The following MDGA2 variants were observed in gnomAD, a reference collection of about 807,000 sequenced individuals.
MDGA2 encodes the protein MAM domain containing glycosylphosphatidylinositol anchor 2, also known as MAM domain-containing glycosylphosphatidylinositol anchor protein 2.
A neutral mutation model predicts 117.8 loss-of-function variants in MDGA2; 40 were observed. That is an observed-to-expected ratio of 0.34 (90% CI 0.26 to 0.44). The LOEUF is 0.44. Among genes scored for constraint, MDGA2 ranks in the 20% least tolerant of loss-of-function variants. The probability of loss-of-function intolerance (pLI) is 1.00; values close to 1 mark genes in which losing one functional copy is unlikely to be tolerated. For synonymous variants in MDGA2, 452 were observed against 439.0 expected, an observed-to-expected ratio of 1.03 and a Z score of -0.37; for missense variants, 1,123 against 1,250.6, an observed-to-expected ratio of 0.90 and a Z score of 1.54.
rs576568143 is a variant in MDGA2 at position 47,594,748 on chromosome 14, C to T, written c.280+79769G>A. ...AGTTCCCACTGCGAGGTGCCATGCA[C>T]CCTTTCATTTTTAAACCAATATGTA... On this transcript the variant is annotated intron_variant, in intron 1 of 16. Transcript: ENST00000399232. Among the ~76,000 whole-genome samples, 49 of 152,308 alleles carry T rather than the reference C, an allele frequency of 3.2e-4. No homozygotes were observed. In the South Asian group the frequency reaches 9.9e-3, roughly 31 times the overall value.
At chr14:47,407,850 AC>A (rs1037271778) in intron 1 of MDGA2, among the ~76,000 whole-genome samples, 2 of 152,152 alleles carry the variant, frequency 1.3e-5, no homozygotes, top group African/African-American at 4.8e-5. Context: ...GTTAAACAAA[AC>A]AGGTGCAGAT....
intron 2 of MDGA2, among the ~76,000 whole-genome samples, chr14:47,273,952 G>C (rs1160378586): frequency 6.6e-6 from 1 of 152,070 alleles, no homozygotes; most frequent in African/African-American, 2.4e-5. Flanking sequence ...ATAAGCACAA[G>C]CAACCAAAAG....
At chr14:46,948,084 C>T (rs527505185) in intron 9 of MDGA2, among the ~76,000 whole-genome samples, 1 of 152,106 alleles carries the variant, frequency 6.6e-6, no homozygotes, top group African/African-American at 2.4e-5. Context: ...TCAACTGTTA[C>T]ATTTTTATAC....
chr14:47,382,007 A>G (rs1319811248), intron 1 of MDGA2, among the ~76,000 whole-genome samples: 1 of 152,204 alleles, frequency 6.6e-6, no homozygotes, highest in African/African-American at 2.4e-5. Flanking sequence ...AAACAGAGAT[A>G]AAGACCAATG....
At chr14:47,540,045 C>G (rs1458349136) in intron 1 of MDGA2, among the ~76,000 whole-genome samples, 3 of 152,064 alleles carry the variant, frequency 2.0e-5, no homozygotes, top group African/African-American at 7.2e-5. Flanking sequence ...GACGGAGTCT[C>G]GCTGCCGCCC....
At chr14:46,973,696 T>C (rs1886350972) in intron 8 of MDGA2, among the ~76,000 whole-genome samples, 1 of 152,088 alleles carries the variant, frequency 6.6e-6, no homozygotes, top group Non-Finnish European at 1.5e-5. Context: ...TCAGGTACAA[T>C]GAAACAAACC....
At chr14:47,127,555 A>G (rs1881969413) in intron 5 of MDGA2, among the ~76,000 whole-genome samples, 1 of 152,138 alleles carries the variant, frequency 6.6e-6, no homozygotes, top group African/African-American at 2.4e-5. Flanking sequence ...GTACTAGTTT[A>G]TATTTTTAAA....
intron 1 of MDGA2, among the ~76,000 whole-genome samples, chr14:47,537,813 A>C (rs2138747593): frequency 6.6e-6 from 1 of 152,188 alleles, no homozygotes; most frequent in Admixed American, 6.5e-5. Context: ...ACTGCATTTC[A>C]AAAGAACAAG....
intron 2 of MDGA2, among the ~76,000 whole-genome samples, chr14:47,228,990 T>C (rs1188656640): frequency 6.6e-6 from 1 of 152,138 alleles, no homozygotes; most frequent in Non-Finnish European, 1.5e-5. Flanking sequence ...GCATAAACTA[T>C]ATTGTTTGCA....
intron 14 of MDGA2, among the ~76,000 whole-genome samples, chr14:46,862,743 A>G (rs936371741): frequency 6.6e-6 from 1 of 152,060 alleles, no homozygotes; most frequent in African/African-American, 2.4e-5. Context: ...TGCCAAAATC[A>G]TCCAGCTCTA....
At position 47,623,487 on chromosome 14, in the gene MDGA2, CA is replaced by C. The variant is rs1382416060; in HGVS notation, c.280+51029del. On this transcript the variant is annotated intron_variant, in intron 1 of 16. Transcript: ENST00000399232. ...CATACAATATCTAATGCAGTACTGT[CA>C]GCCTATATCATCAGGATATATTAAA... is the stretch of plus-strand genomic sequence containing the variant. Among the ~76,000 whole-genome samples the C allele has an allele frequency of 3.3e-5, 5 of 152,204 alleles. No individual in the cohort carries two copies. In the East Asian group the frequency reaches 9.7e-4, roughly 29 times the overall value.
chr14:47,137,850 T>A (rs1882532723), intron 4 of MDGA2, among the ~76,000 whole-genome samples: 1 of 152,084 alleles, frequency 6.6e-6, no homozygotes, highest in Admixed American at 6.5e-5. Flanking sequence ...TAAAATGATT[T>A]CCTGCAGTCA....
At chr14:46,890,540 G>T (rs1332313556) in intron 10 of MDGA2, among the ~76,000 whole-genome samples, 1 of 151,998 alleles carries the variant, frequency 6.6e-6, no homozygotes, top group Non-Finnish European at 1.5e-5. Context: ...GAACACAGCA[G>T]CCCTCAGGTA....
intron 1 of MDGA2, among the ~76,000 whole-genome samples, chr14:47,597,085 G>C (rs1286052942): frequency 6.6e-6 from 1 of 152,132 alleles, no homozygotes; most frequent in Non-Finnish European, 1.5e-5. Flanking sequence ...ATAGATGACT[G>C]AGAGTTTCTG....
intron 8 of MDGA2, among the ~76,000 whole-genome samples, chr14:47,002,072 C>T (rs947281672): frequency 1.3e-5 from 2 of 152,002 alleles, no homozygotes; most frequent in African/African-American, 4.8e-5. Flanking sequence ...TGGAGAGGTG[C>T]TGAGTAAACA....
intron 5 of MDGA2, among the ~76,000 whole-genome samples, chr14:47,103,694 T>C (rs756285395): frequency 2.0e-5 from 3 of 152,222 alleles, no homozygotes; most frequent in Non-Finnish European, 4.4e-5. Flanking sequence ...TTTTGAAAAA[T>C]TGCATAACTT....
chr14:47,033,652 G>A (rs1359535710), intron 8 of MDGA2, among the ~76,000 whole-genome samples: 1 of 152,120 alleles, frequency 6.6e-6, no homozygotes, highest in Non-Finnish European at 1.5e-5. Flanking sequence ...AATGAAACCT[G>A]ACATCTAAAA....
chr14:47,552,261 G>A (rs1895596712), intron 1 of MDGA2, among the ~76,000 whole-genome samples: 1 of 152,130 alleles, frequency 6.6e-6, no homozygotes, highest in African/African-American at 2.4e-5. Context: ...ACTGTCGTAT[G>A]TATCCCTCCA....
At chr14:47,288,122 AAT>A (rs138846196) in intron 2 of MDGA2, among the ~76,000 whole-genome samples, 13,837 of 152,236 alleles carry the variant, frequency 0.091, 771 homozygotes, top group Non-Finnish European at 0.11. Flanking sequence ...CAAGGGAAGT[AAT>A]ACAAGGCACT....
Sources: allele counts gnomAD v4.1 joint callset (sites outside exome capture counted in the v4.1 genomes callset), GRCh38; gene constraint gnomAD v4.1.1; transcripts MANE v1.5; gene names NCBI Gene and HGNC (gene_info 2026-07-23, HGNC 2026-07-21).